The following MAGI2 variants were observed in gnomAD, a reference collection of about 807,000 sequenced individuals.
MAGI2 encodes membrane-associated guanylate kinase, WW and PDZ domain-containing protein 2.
In MAGI2, 35 loss-of-function variants were observed where a neutral mutation model predicts 133.3. The observed-to-expected ratio is 0.26, with a 90% CI of 0.20 to 0.35. The LOEUF is 0.35. Among genes scored for constraint, MAGI2 ranks in the 10% least tolerant of loss-of-function variants. The pLI is 1.00. For synonymous variants in MAGI2, 729 were observed against 710.6 expected (o/e 1.03, Z -0.41); for missense variants, 1,636 against 1,863.4 (o/e 0.88, Z 2.25).
chr7:78,647,453 T>C (rs1811018025), intron 2 of MAGI2, among the ~76,000 whole-genome samples: 1 of 152,152 alleles, frequency 6.6e-6, no homozygotes, highest in Non-Finnish European at 1.5e-5. Flanking sequence ...AGATACCATC[T>C]CATGCCCGTT....
At chr7:79,040,592 C>T (rs1407034633) in intron 1 of MAGI2, among the ~76,000 whole-genome samples, 1 of 152,008 alleles carries the variant, frequency 6.6e-6, no homozygotes, top group Non-Finnish European at 1.5e-5. Context: ...AATTGTAATC[C>T]CCATAATCCC....
At chr7:78,297,963 T>C (rs977624885) in intron 9 of MAGI2, among the ~76,000 whole-genome samples, 3 of 144,604 alleles carry the variant, frequency 2.1e-5, no homozygotes, top group African/African-American at 8.0e-5. Flanking sequence ...TGTGCACATG[T>C]ACCCTAGAAC....
intron 2 of MAGI2, among the ~76,000 whole-genome samples, chr7:78,681,779 C>A (rs1311213337): frequency 6.6e-6 from 1 of 151,880 alleles, no homozygotes; most frequent in African/African-American, 2.4e-5. Flanking sequence ...GCGTCACAAC[C>A]CTAGAAAAAT....
chr7:78,730,052 A>T (rs547366981), intron 2 of MAGI2, among the ~76,000 whole-genome samples: 48 of 152,302 alleles, frequency 3.2e-4, no homozygotes, highest in African/African-American at 1.1e-3. Flanking sequence ...TTCCTCTGTT[A>T]TCTTTGAAAT....
intron 2 of MAGI2, among the ~76,000 whole-genome samples, chr7:78,967,222 G>A (rs971468907): frequency 1.1e-4 from 16 of 152,064 alleles, no homozygotes; most frequent in African/African-American, 3.9e-4. Context: ...AATTACGGGT[G>A]TGAGTCATAG....
chr7:79,164,391 C>T (rs777775155), intron 1 of MAGI2, among the ~76,000 whole-genome samples: 1 of 152,038 alleles, frequency 6.6e-6, no homozygotes, highest in Admixed American at 6.6e-5. Context: ...CCCTGCAAAG[C>T]TGTCTTTTGT....
intron 1 of MAGI2, among the ~76,000 whole-genome samples, chr7:79,146,565 T>G (rs1426877082): frequency 1.3e-5 from 2 of 152,204 alleles, no homozygotes; most frequent in Non-Finnish European, 2.9e-5. Context: ...AACTGAATCA[T>G]GTAGGTGGTT....
At chr7:78,178,646 T>C (rs1462570913) in intron 13 of MAGI2, among the ~76,000 whole-genome samples, 2 of 152,034 alleles carry the variant, frequency 1.3e-5, no homozygotes, top group Non-Finnish European at 2.9e-5. Flanking sequence ...GTTGTCTCTT[T>C]TAAAATTGCA....
chr7:78,479,621 A>T (rs575620364), intron 6 of MAGI2, among the ~76,000 whole-genome samples: 53 of 151,990 alleles, frequency 3.5e-4, no homozygotes, highest in Non-Finnish European at 6.8e-4. Flanking sequence ...CAGAACCTAC[A>T]TACCAAACCA....
At chr7:78,437,466 A>C (rs73148313) in intron 6 of MAGI2, among the ~76,000 whole-genome samples, 4,042 of 152,350 alleles carry the variant, frequency 0.027, 67 homozygotes, top group Non-Finnish European at 0.043. Flanking sequence ...TCTGCTTACC[A>C]GAAAAGACTC....
intron 1 of MAGI2, among the ~76,000 whole-genome samples, chr7:79,068,132 G>A (rs1471040035): frequency 1.3e-5 from 2 of 152,188 alleles, no homozygotes; most frequent in Non-Finnish European, 2.9e-5. Flanking sequence ...AATGAGTTGG[G>A]AGGATTCCCT....
intron 9 of MAGI2, among the ~76,000 whole-genome samples, chr7:78,257,304 C>T (rs979575084): frequency 6.6e-6 from 1 of 152,212 alleles, no homozygotes; most frequent in African/African-American, 2.4e-5. Context: ...TAGTGTATGA[C>T]ACACAGTGCT....
At chr7:79,416,698 G>C (rs1473266151) in intron 1 of MAGI2, among the ~76,000 whole-genome samples, 1 of 124,290 alleles carries the variant, frequency 8.0e-6, no homozygotes, top group Non-Finnish European at 1.7e-5. Flanking sequence ...GAGGTCCATT[G>C]TTTCTTTTTT....
At chr7:79,039,008 G>A (rs1811368386) in intron 1 of MAGI2, among the ~76,000 whole-genome samples, 1 of 152,202 alleles carries the variant, frequency 6.6e-6, no homozygotes, top group African/African-American at 2.4e-5. Flanking sequence ...TTCAATATCT[G>A]TATCGTTTGG....
intron 9 of MAGI2, among the ~76,000 whole-genome samples, chr7:78,332,619 A>T (rs1789337280): frequency 6.7e-6 from 1 of 149,360 alleles, no homozygotes; most frequent in African/African-American, 2.5e-5. Flanking sequence ...AATGGTGTGA[A>T]CCCGGGAGGC....
Position 78,644,151 on chromosome 7 carries a change from TTTAA to T in MAGI2, c.419-16916_419-16913del, listed in dbSNP as rs1248314048. Among the ~76,000 whole-genome samples the T allele has an allele frequency of 2.6e-5, 4 of 152,260 alleles. No individual in the cohort carries two copies. The East Asian group carries it at 7.7e-4, about 29-fold the overall frequency. ...AAAAAAAATACTAAATGTTTATGTA[TTTAA>T]TTAGAGATTCAAAATACATGAAGCA... On this transcript the variant is annotated intron_variant, in intron 2 of 21. Transcript: ENST00000354212.
intron 2 of MAGI2, among the ~76,000 whole-genome samples, chr7:78,831,850 CTT>C (rs1791185435): frequency 6.6e-6 from 1 of 152,062 alleles, no homozygotes; most frequent in African/African-American, 2.4e-5. Context: ...GAGTAAAACA[CTT>C]TAAACACTCT....
In MAGI2 at chr7:78,613,937, C is replaced by T. The variant is rs142395183; in HGVS notation, c.538+13183G>A. On this transcript the variant is annotated intron_variant, in intron 3 of 21. Transcript: ENST00000354212. ...CATCCTGGCCAACAGGGTGAAACCT[C>T]ATCTCTACTAAAAATACAAAAAATT... 4.2e-3 allele frequency among the ~76,000 whole-genome samples: 638 copies of T among 151,836 alleles called. 2 individuals are homozygous for T. The highest frequency in any genetic ancestry group is 5.4e-3 in the Non-Finnish European group (366 of 67,916).
At chr7:78,514,835 A>T (rs1795906294) in intron 4 of MAGI2, among the ~76,000 whole-genome samples, 1 of 152,130 alleles carries the variant, frequency 6.6e-6, no homozygotes, top group East Asian at 1.9e-4. Flanking sequence ...ATTGCCGAGG[A>T]CACTTGGTGA....
Sources: gnomAD v4.1 joint callset for allele counts (sites outside exome capture counted in the v4.1 genomes callset) on GRCh38, gnomAD v4.1.1 for gene constraint, MANE v1.5 for transcripts, NCBI Gene and HGNC (gene_info 2026-07-23, HGNC 2026-07-21) for gene names.